PRKDC: variants seen among roughly 807,000 people sequenced by gnomAD.
PRKDC encodes DNA-dependent protein kinase catalytic subunit.
A neutral mutation model predicts 486.9 loss-of-function variants in PRKDC; 82 were observed. That is an observed-to-expected ratio of 0.17 (90% CI 0.14 to 0.20). The LOEUF (loss-of-function observed/expected upper bound fraction) is 0.20, where lower values mean the gene tolerates loss of function less well. Among genes scored for constraint, PRKDC ranks in the 10% least tolerant of loss-of-function variants. The pLI is 1.00. For synonymous variants in PRKDC, 1,895 were observed against 1,837.0 expected (o/e 1.03, Z -0.81); for missense variants, 4,504 against 5,038.2 (o/e 0.89, Z 3.21).
At chr8:47,886,194 A>T in intron 35 of PRKDC, 47 bp from the exon 36 acceptor site, 3 of 1,458,882 alleles carry the variant, frequency 2.1e-6, no homozygotes, top group Non-Finnish European at 2.7e-6. Context: ...ACATCTTTGC[A>T]TGGCACAGAA....
Position 47,858,855 on chromosome 8 carries a change from T to A in PRKDC, c.6339A>T (p.Gly2113=). Residue 2113 remains glycine (G), a synonymous_variant, in exon 47 of 86, where the codon GGA becomes GGT. Transcript: ENST00000314191. ...AGATGAGTGGGAAAAGCACCTCTTCTCCTTGAGGCGGGCCCAGGCTTCTGT... is the reference window on the plus strand; with the variant it reads ...AGATGAGTGGGAAAAGCACCTCTTCACCTTGAGGCGGGCCCAGGCTTCTGT... ...HMHRSLGPPQ[G]EEDSVPRDLP... is the part of the protein sequence containing the mutation. 1 of 1,603,278 alleles carries A rather than the reference T, an allele frequency of 6.2e-7. No homozygotes were observed. Among genetic ancestry groups the A allele is most frequent in the Non-Finnish European group, 8.5e-7 (1 of 1,177,892 alleles).
chr8:47,942,824 C>A (rs1217657798), intron 10 of PRKDC, among the ~76,000 whole-genome samples: 2 of 152,200 alleles, frequency 1.3e-5, no homozygotes, highest in Non-Finnish European at 2.9e-5. Context: ...AAAGAGGCAC[C>A]CCTTGTTTTC....
At chr8:47,927,449 C>T in intron 20 of PRKDC, 96 bp from the exon 21 acceptor site, 1 of 1,339,304 alleles carries the variant, frequency 7.5e-7, no homozygotes. Flanking sequence ...ATTAATACTC[C>T]TTTTTATTAC....
chr8:47,842,455 T>C (rs1266393425), intron 54 of PRKDC, among the ~76,000 whole-genome samples: 1 of 151,986 alleles, frequency 6.6e-6, no homozygotes, highest in Admixed American at 6.6e-5. Flanking sequence ...AGAGATCCTA[T>C]ACAGAGCCTC....
intron 12 of PRKDC, 31 bp downstream of exon 12, chr8:47,936,322 C>T: frequency 6.4e-7 from 1 of 1,569,382 alleles, no homozygotes; most frequent in South Asian, 1.2e-5. Flanking sequence ...AGATTAAATA[C>T]TTAAAATTGT....
chr8:47,831,705 GT>G (rs1194891488), intron 60 of PRKDC, 108 bp downstream of exon 60: 1 of 1,209,834 alleles, frequency 8.3e-7, no homozygotes, highest in Non-Finnish European at 1.2e-6. Context: ...CCGCAACCTG[GT>G]TTGCAGGTGA....
intron 9 of PRKDC, 59 bp downstream of exon 9, chr8:47,943,790 GCTTA>G (rs1357152507): frequency 2.2e-6 from 3 of 1,351,936 alleles, no homozygotes; most frequent in Admixed American, 4.5e-5. Flanking sequence ...TTAAGCAAAA[GCTTA>G]CTTGAGATGT....
chr8:47,858,240 G>A (rs1331926935), intron 48 of PRKDC, among the ~76,000 whole-genome samples: 1 of 149,894 alleles, frequency 6.7e-6, no homozygotes, highest in Admixed American at 6.7e-5. Context: ...GCAGCCGTAA[G>A]AAAGCAGCTA....
Position 47,774,123 on chromosome 8 carries a change from T to A in PRKDC, c.*50A>T. ...TGGAATGCTGCCAACCAAAGTATAG[T>A]AGATTCTTTAAACAATGTAATGCTT... On this transcript the variant is annotated 3_prime_UTR_variant, in exon 86 of 86. Transcript: ENST00000314191. 6.6e-7 allele frequency: 1 copy of A among 1,506,000 alleles called. No homozygotes were observed. The highest frequency in any genetic ancestry group is 1.3e-5 in the South Asian group (1 of 77,946). The allele number at this position is 1,506,000 out of a possible 1,614,324, so 93.3% of individuals were successfully genotyped here.
intron 1 of PRKDC, 49 bp from the exon 2 acceptor site, chr8:47,957,480 T>C (rs959956272): frequency 1.1e-5 from 15 of 1,407,726 alleles, no homozygotes; most frequent in East Asian, 5.0e-5. Context: ...AAGAGCATCA[T>C]GTAAACCACT....
At chr8:47,818,578 C>CAAAAA (rs1174698261) in intron 67 of PRKDC, among the ~76,000 whole-genome samples, 77 of 35,990 alleles carry the variant, frequency 2.1e-3, no homozygotes, top group East Asian at 3.3e-3. Context: ...GACTCCGTCT[C>CAAAAA]AAAAAAAAAA....
At chr8:47,942,149 T>C (rs2090455343) in intron 10 of PRKDC, among the ~76,000 whole-genome samples, 1 of 152,262 alleles carries the variant, frequency 6.6e-6, no homozygotes, top group Non-Finnish European at 1.5e-5. Flanking sequence ...AAGATGTTTA[T>C]CGCAGTAAAT....
intron 26 of PRKDC, among the ~76,000 whole-genome samples, chr8:47,903,702 A>C (rs1311270560): frequency 5.3e-5 from 8 of 152,172 alleles, no homozygotes; most frequent in Admixed American, 5.2e-4. Context: ...CGTTTTACTT[A>C]TCAGATTTCT....
intron 65 of PRKDC, 117 bp from the exon 66 acceptor site, chr8:47,821,060 C>T (rs1300813659): frequency 6.4e-6 from 4 of 625,528 alleles, no homozygotes; most frequent in South Asian, 4.8e-5. Context: ...AAAGTCAAAG[C>T]GATGATGTTT....
At position 47,900,241 on chromosome 8, in the gene PRKDC, T is replaced by C. The variant is rs1046864540; in HGVS notation, c.3364+132A>G. Reference sequence around the variant, plus strand: ...GGGTTTGAGGCACTGAAGGGGATTCTCTTCACATTTATTAATTTATAGAAC... The same window carrying C: ...GGGTTTGAGGCACTGAAGGGGATTCCCTTCACATTTATTAATTTATAGAAC... On this transcript the variant is annotated intron_variant, in intron 28 of 85. Coordinates refer to ENST00000314191, the MANE Select transcript of PRKDC (RefSeq NM_006904.7). 5.8e-6 allele frequency: 3 copies of C among 518,652 alleles called. No homozygotes were observed. The Admixed American group carries it at 1.3e-4, about 22-fold the overall frequency. The allele number at this position is 518,652 out of a possible 1,614,324, so 32.1% of individuals were successfully genotyped here.
chr8:47,953,579 C>T (rs1563822368), intron 7 of PRKDC, 41 bp downstream of exon 7: 7 of 1,531,418 alleles, frequency 4.6e-6, no homozygotes, highest in Non-Finnish European at 6.3e-6. Flanking sequence ...GTTAGACTTA[C>T]AGTTTTTGAA....
intron 68 of PRKDC, among the ~76,000 whole-genome samples, chr8:47,808,966 G>C (rs1271715481): frequency 6.6e-6 from 1 of 151,912 alleles, no homozygotes; most frequent in Non-Finnish European, 1.5e-5. Flanking sequence ...TGAGGCTGCA[G>C]TGAGCTATGA....
chr8:47,872,266 C>A (rs1277085745), intron 40 of PRKDC, among the ~76,000 whole-genome samples: 1 of 151,544 alleles, frequency 6.6e-6, no homozygotes, highest in African/African-American at 2.4e-5. Context: ...AACCTCAAAT[C>A]AAAAATAACA....
chr8:47,834,934 C>T (rs1431460198), intron 58 of PRKDC, among the ~76,000 whole-genome samples: 1 of 152,096 alleles, frequency 6.6e-6, no homozygotes, highest in Non-Finnish European at 1.5e-5. Flanking sequence ...TCGTGATCCG[C>T]CCGCCTCGGC....
Sources: allele counts gnomAD v4.1 joint callset (sites outside exome capture counted in the v4.1 genomes callset), GRCh38; gene constraint gnomAD v4.1.1; transcripts MANE v1.5; gene names NCBI Gene and HGNC (gene_info 2026-07-23, HGNC 2026-07-21).